The following PZP variants were observed in gnomAD, a reference collection of about 807,000 sequenced individuals.
PZP encodes the protein PZP alpha-2-macroglobulin like, also known as pregnancy zone protein.
PZP carries 150 observed loss-of-function variants against 179.8 expected under a neutral mutation model. The ratio of observed to expected loss-of-function variants is 0.83; its 90% confidence interval spans 0.73 to 0.96. The LOEUF (loss-of-function observed/expected upper bound fraction) is 0.96. Among genes scored for constraint, PZP ranks in the 40% least tolerant of loss-of-function variants. The probability of loss-of-function intolerance (pLI) is 0.00; values close to 1 mark genes in which losing one functional copy is unlikely to be tolerated. For synonymous variants in PZP, 624 were observed against 652.3 expected, an observed-to-expected ratio of 0.96 and a Z score of 0.66; for missense variants, 1,689 against 1,764.0, an observed-to-expected ratio of 0.96 and a Z score of 0.76.
At chr12:9,179,230 A>G (rs944392195) in intron 15 of PZP, among the ~76,000 whole-genome samples, 4 of 152,154 alleles carry the variant, frequency 2.6e-5, no homozygotes, top group Non-Finnish European at 2.9e-5. Flanking sequence ...AAAACCCCAT[A>G]TTAGATATCA....
chr12:9,153,140 T>C lies in PZP; in HGVS notation c.3978A>G (p.Arg1326=). The part of the protein sequence containing the change: ...GEYVITVTGE[R]CVYLQTSMKY... ...GGAGCCCTACCTGAAGATACACACA[T>C]CTTTCCCCAGTTACTGTTATGACAT... The change falls in exon 30 of 36, where the codon AGA becomes AGG. Residue 1326 remains arginine, a synonymous_variant. Coordinates refer to ENST00000261336, the MANE Select transcript of PZP (RefSeq NM_002864.3). The C allele has an allele frequency of 1.2e-6, 2 of 1,614,134 alleles. No individual in the cohort carries two copies. The highest frequency in any genetic ancestry group is 1.7e-6 in the Non-Finnish European group (2 of 1,179,970).
At chr12:9,176,263 T>C (rs1287083148) in intron 15 of PZP, among the ~76,000 whole-genome samples, 1 of 151,922 alleles carries the variant, frequency 6.6e-6, no homozygotes, top group Non-Finnish European at 1.5e-5. Context: ...ATGATGAGAA[T>C]ACATGGGGGA....
chr12:9,143,269 C>T, the PZP span, among the ~76,000 whole-genome samples: 1 of 152,258 alleles, frequency 6.6e-6, no homozygotes, highest in African/African-American at 2.4e-5. Flanking sequence ...GACATGAACA[C>T]AAGCAATACC....
At chr12:9,163,562 C>A (rs1941371775) in intron 21 of PZP, 106 bp downstream of exon 21, 3 of 1,269,842 alleles carry the variant, frequency 2.4e-6, no homozygotes, top group South Asian at 3.1e-5. Context: ...ATTAGTCTTA[C>A]AGGATGTATT....
rs1285667304 is a variant in PZP, at chr12:9,202,349, C to T, written c.450G>A (p.Val150=). 2 of 1,614,072 alleles carry T rather than the reference C, an allele frequency of 1.2e-6. No individual in the cohort carries two copies. The highest frequency in any genetic ancestry group is 1.7e-6 in the Non-Finnish European group (2 of 1,180,004). Residue 150 remains valine, a synonymous_variant, in exon 4 of 36, where the codon GTG becomes GTA. Transcript: ENST00000261336. The part of the protein sequence containing the change: ...GQTVRFRVVS[V]DENFRPRNEL... ...CATTTCGAGGGCGAAAATTTTCATCCACGGAGACAACACGGAATCTTACTG... is the reference window on the plus strand; with the variant it reads ...CATTTCGAGGGCGAAAATTTTCATCTACGGAGACAACACGGAATCTTACTG...
At chr12:9,183,970 G>A (rs1459650530) in intron 13 of PZP, among the ~76,000 whole-genome samples, 16 of 152,158 alleles carry the variant, frequency 1.1e-4, no homozygotes, top group Non-Finnish European at 2.9e-5. Context: ...AAGGAAATAA[G>A]CTCCCCTTCT....
intron 8 of PZP, 123 bp from the exon 9 acceptor site, chr12:9,196,808 C>T (rs74849269): frequency 0.084 from 71,132 of 849,590 alleles, 3,567 homozygotes; most frequent in Non-Finnish European, 0.1. Context: ...AATTGACCTT[C>T]GAGAACTTAA....
chr12:9,181,935 A>G (rs1942786613), intron 14 of PZP, 40 bp downstream of exon 14: 1 of 1,600,924 alleles, frequency 6.2e-7, no homozygotes, highest in Admixed American at 1.7e-5. Flanking sequence ...CTACAGTATC[A>G]TTTATTTGTG....
At chr12:9,180,351 A>G (rs1236610795) in intron 15 of PZP, among the ~76,000 whole-genome samples, 6 of 152,150 alleles carry the variant, frequency 3.9e-5, no homozygotes, top group Non-Finnish European at 8.8e-5. Flanking sequence ...AGGCAATCCT[A>G]AGCCAAAAGA....
intron 8 of PZP, 67 bp downstream of exon 8, chr12:9,196,945 G>C: frequency 8.2e-7 from 1 of 1,218,206 alleles, no homozygotes; most frequent in Non-Finnish European, 1.2e-6. Flanking sequence ...CCTCTTTCTA[G>C]TTAGTAAAAT....
At position 9,202,254 on chromosome 12, in the gene PZP, T is replaced by C. The variant is rs1259545821; in HGVS notation, c.480+65A>G. 4.4e-6 allele frequency: 6 copies of C among 1,375,724 alleles called. No homozygotes were observed. The African/African-American group carries it at 7.2e-5, about 16-fold the overall frequency. The allele number at this position is 1,375,724 out of a possible 1,614,324, so 85.2% of individuals were successfully genotyped here. ...TCCTCTCGCTTTTCTTGTACCTTTC[T>C]ACCTCACTCTGGGTGAGTATTCCCA... On this transcript the variant is annotated intron_variant, in intron 4 of 35. Coordinates refer to ENST00000261336, the MANE Select transcript of PZP (RefSeq NM_002864.3).
At chr12:9,197,401 A>G (rs1943843948) in intron 7 of PZP, among the ~76,000 whole-genome samples, 1 of 141,928 alleles carries the variant, frequency 7.0e-6, no homozygotes, top group African/African-American at 2.6e-5. Flanking sequence ...TATAATTATT[A>G]TATTTTAATG....
intron 2 of PZP, 130 bp downstream of exon 2, chr12:9,203,638 G>T: frequency 9.2e-7 from 1 of 1,085,984 alleles, no homozygotes; most frequent in Non-Finnish European, 1.3e-6. Flanking sequence ...ACCGCACCTG[G>T]CCCCTGAAGT....
At chr12:9,203,112 CAT>C (rs1479432367) in intron 2 of PZP, among the ~76,000 whole-genome samples, 2 of 152,122 alleles carry the variant, frequency 1.3e-5, no homozygotes, top group Non-Finnish European at 1.5e-5. Context: ...ATGAAATTTT[CAT>C]ATGATCTATT....
chr12:9,150,087 G>C (rs1296899364), intron 34 of PZP, among the ~76,000 whole-genome samples: 1 of 152,060 alleles, frequency 6.6e-6, no homozygotes, highest in East Asian at 1.9e-4. Context: ...CAAACTTATT[G>C]CTTAGCTCAC....
intron 13 of PZP, among the ~76,000 whole-genome samples, chr12:9,185,311 C>G (rs1333871067): frequency 6.6e-6 from 1 of 152,096 alleles, no homozygotes; most frequent in African/African-American, 2.4e-5. Context: ...GCAGAACAGA[C>G]CAAGCTGAGG....
At position 9,165,974 on chromosome 12, in the gene PZP, G is replaced by C. The variant is rs1406703652; in HGVS notation, c.2258+78C>G. 4.7e-5 allele frequency: 70 copies of C among 1,497,092 alleles called. 1 individual carries two copies. The highest frequency in any genetic ancestry group is 5.1e-5 in the Non-Finnish European group (57 of 1,115,378). The allele number at this position is 1,497,092 out of a possible 1,614,324, so 92.7% of individuals were successfully genotyped here. ...ATAATTATTCAGAACTTTTCAGGAA[G>C]ATTGTCTTAGAATTGAAAATGTTGG... is the stretch of plus-strand genomic sequence containing the variant. On this transcript the variant is annotated intron_variant, in intron 18 of 35. Coordinates refer to ENST00000261336, the MANE Select transcript of PZP (RefSeq NM_002864.3).
intron 1 of PZP, among the ~76,000 whole-genome samples, chr12:9,207,723 A>T (rs1035847548): frequency 2.0e-5 from 3 of 152,212 alleles, no homozygotes; most frequent in Admixed American, 2.0e-4. Context: ...AGTTCTCTAG[A>T]CACTATAGAG....
At position 9,165,050 on chromosome 12, in the gene PZP, C is replaced by T. The variant is rs147696514; in HGVS notation, c.2487+89G>A. ...GCTAACACACAATCCCTTGAATTAT[C>T]CTTAGTCTCAGGAACAGAATCAGTA... On this transcript the variant is annotated intron_variant, in intron 19 of 35. Transcript: ENST00000261336. The T allele has an allele frequency of 4.3e-4, 632 of 1,455,098 alleles. 2 individuals are homozygous for T. In the African/African-American group the frequency reaches 8.1e-3, roughly 19 times the overall value. The allele number at this position is 1,455,098 out of a possible 1,614,324, so 90.1% of individuals were successfully genotyped here.
Sources: allele counts gnomAD v4.1 joint callset (sites outside exome capture counted in the v4.1 genomes callset), GRCh38; gene constraint gnomAD v4.1.1; transcripts MANE v1.5; gene names NCBI Gene and HGNC (gene_info 2026-07-23, HGNC 2026-07-21).